TNRC6A: variants seen among roughly 807,000 people sequenced by gnomAD.
The protein encoded by TNRC6A is trinucleotide repeat containing adaptor 6A.
TNRC6A carries 44 observed loss-of-function variants against 221.2 expected under a neutral mutation model. That is an observed-to-expected ratio of 0.20 (90% CI 0.16 to 0.26). The LOEUF (loss-of-function observed/expected upper bound fraction) is 0.26. TNRC6A is among the 10% of genes least tolerant of loss of function. The probability of loss-of-function intolerance (pLI) is 1.00; values close to 1 mark genes in which losing one functional copy is unlikely to be tolerated. For missense variants in TNRC6A, 2,199 were observed against 2,404.4 expected (o/e 0.91, Z 1.79); for synonymous variants, 847 against 838.5 (o/e 1.01, Z -0.18).
intron 5 of TNRC6A, 90 bp downstream of exon 5, chr16:24,777,448 T>C: frequency 7.7e-7 from 1 of 1,306,970 alleles, no homozygotes; most frequent in Non-Finnish European, 1.1e-6. Flanking sequence ...GGTGATGTAT[T>C]TGTATTCATC....
At chr16:24,625,718 G>A (rs1900936183) in intron 1 of TNRC6A, among the ~76,000 whole-genome samples, 1 of 123,372 alleles carries the variant, frequency 8.1e-6, no homozygotes, top group East Asian at 2.2e-4. Context: ...GGGCGACAGA[G>A]CGAGACTCCG....
At chr16:24,656,347 A>G (rs1048677118) in intron 2 of TNRC6A, among the ~76,000 whole-genome samples, 6 of 151,026 alleles carry the variant, frequency 4.0e-5, no homozygotes, top group Admixed American at 3.3e-4. Context: ...CATGCCTGTA[A>G]TCCCAGCTAC....
intron 2 of TNRC6A, among the ~76,000 whole-genome samples, chr16:24,670,720 T>C (rs759964908): frequency 1.3e-4 from 20 of 152,262 alleles, no homozygotes; most frequent in Non-Finnish European, 2.1e-4. Context: ...GGTACAAGCT[T>C]GACCGAGCTT....
chr16:24,699,611 T>C lies in TNRC6A; in HGVS notation n.403-51115T>C, dbSNP rs183928124. ...GCGTGCACCTGTCATCTCAGATACT[T>C]GGGAGGCTGAGGTGGGAGAATCGCC... On this transcript the variant is annotated intron_variant and non_coding_transcript_variant, in intron 2 of 2. Coordinates refer to the TNRC6A transcript ENST00000566108. Among the ~76,000 whole-genome samples the C allele has an allele frequency of 1.7e-4, 26 of 151,354 alleles. No individual in the cohort carries two copies. In the East Asian group the frequency reaches 4.7e-3, roughly 27 times the overall value.
Position 24,794,425 on chromosome 16 carries a change from TA to T in TNRC6A, c.3353-117del, listed in dbSNP as rs559256524. 2.5e-4 allele frequency: 243 copies of T among 959,414 alleles called. 2 individuals carry two copies. In the African/African-American group the frequency reaches 3.7e-3, roughly 14 times the overall value. 59.4% of individuals were successfully genotyped at this position (959,414 alleles called of 1,614,324 possible). On this transcript the variant is annotated intron_variant, in intron 7 of 24. Coordinates refer to ENST00000395799, the MANE Select transcript of TNRC6A (RefSeq NM_014494.4). ...TTCTGTGCAGATGCAGGAAGGGAAA[TA>T]AGTGTGCACGTGTGTGTTTTCTTAG...
intron 2 of TNRC6A, among the ~76,000 whole-genome samples, chr16:24,698,529 C>G (rs1326515982): frequency 2.6e-5 from 4 of 151,992 alleles, no homozygotes; most frequent in Non-Finnish European, 4.4e-5. Context: ...AAGCACTGTG[C>G]AAATATTAGC....
intron 18 of TNRC6A, among the ~76,000 whole-genome samples, chr16:24,813,544 G>A (rs1048362651): frequency 5.3e-5 from 8 of 152,168 alleles, no homozygotes; most frequent in African/African-American, 1.9e-4. Flanking sequence ...GATGTTTTGA[G>A]GATGAATGAG....
At chr16:24,746,490 G>A (rs902883130) in intron 2 of TNRC6A, among the ~76,000 whole-genome samples, 2 of 152,094 alleles carry the variant, frequency 1.3e-5, no homozygotes, top group African/African-American at 2.4e-5. Flanking sequence ...TCTACTCCCC[G>A]CCCCACTTTA....
intron 2 of TNRC6A, among the ~76,000 whole-genome samples, chr16:24,733,930 CTT>C (rs1340548436): frequency 6.6e-6 from 1 of 152,212 alleles, no homozygotes; most frequent in Non-Finnish European, 1.5e-5. Context: ...AATCCCAGCA[CTT>C]TGGGAGGCCA....
intron 1 of TNRC6A, among the ~76,000 whole-genome samples, chr16:24,634,738 G>A (rs1901537578): frequency 1.3e-5 from 2 of 152,150 alleles, no homozygotes; most frequent in Non-Finnish European, 2.9e-5. Context: ...TACAACAAGG[G>A]ATCCAGAATG....
chr16:24,656,582 T>C (rs563468814), intron 2 of TNRC6A, among the ~76,000 whole-genome samples: 3 of 151,924 alleles, frequency 2.0e-5, no homozygotes, highest in Non-Finnish European at 4.4e-5. Flanking sequence ...TTAAAAAAAT[T>C]CCAAAGGCAG....
chr16:24,740,097 A>G (rs1368723449), intron 2 of TNRC6A, among the ~76,000 whole-genome samples: 1 of 152,182 alleles, frequency 6.6e-6, no homozygotes, highest in Non-Finnish European at 1.5e-5. Flanking sequence ...AAAATGAAGA[A>G]TTATTTCTGG....
intron 3 of TNRC6A, among the ~76,000 whole-genome samples, chr16:24,753,111 T>C (rs1014297585): frequency 2.0e-5 from 3 of 152,244 alleles, no homozygotes; most frequent in Non-Finnish European, 2.9e-5. Context: ...TGGTCACTTA[T>C]GTGTAGGCAG....
intron 2 of TNRC6A, among the ~76,000 whole-genome samples, chr16:24,673,710 G>A (rs1362387924): frequency 6.6e-6 from 1 of 152,106 alleles, no homozygotes; most frequent in Non-Finnish European, 1.5e-5. Context: ...ACAGGCCTAC[G>A]CCACTGTGCC....
At chr16:24,776,840 A>G (rs772243669) in intron 4 of TNRC6A, 93 bp from the exon 5 acceptor site, 13 of 1,518,706 alleles carry the variant, frequency 8.6e-6, no homozygotes, top group Non-Finnish European at 1.1e-5. Flanking sequence ...TTTTAGGATT[A>G]TTTTTCTTAG....
chr16:24,677,140 T>C (rs6497748), intron 2 of TNRC6A, among the ~76,000 whole-genome samples: 102,689 of 150,982 alleles, frequency 0.68, 36,886 homozygotes, highest in African/African-American at 0.91. Context: ...TAAATCTATT[T>C]CCTGTCCCGT....
In TNRC6A at chr16:24,789,254, A is replaced by G. The variant is rs771055449; in HGVS notation, c.612A>G (p.Gly204=). Residue 204 remains glycine, a synonymous_variant, in exon 6 of 25, where the codon GGA becomes GGG. Coordinates refer to ENST00000395799, the MANE Select transcript of TNRC6A (RefSeq NM_014494.4). ...NQSDINHSTS[G]SHYENSQRGP... The stretch of plus-strand genomic sequence containing the variant: ...TAGATATAAACCACAGTACTTCAGG[A>G]TCCCATTATGAAAATTCCCAGCGGG... 1.2e-6 allele frequency: 2 copies of G among 1,607,306 alleles called. No homozygotes were observed. Among genetic ancestry groups the G allele is most frequent in the Non-Finnish European group, 1.7e-6 (2 of 1,176,338 alleles).
chr16:24,771,582 T>A (rs199923166), intron 4 of TNRC6A, among the ~76,000 whole-genome samples: 14 of 95,482 alleles, frequency 1.5e-4, no homozygotes, highest in Admixed American at 3.7e-4. Context: ...TTATGTTATG[T>A]TGTTATGTTA....
At chr16:24,659,513 G>T (rs1397155176) in intron 2 of TNRC6A, among the ~76,000 whole-genome samples, 1 of 152,080 alleles carries the variant, frequency 6.6e-6, no homozygotes, top group East Asian at 1.9e-4. Flanking sequence ...TACAAACATG[G>T]CTCACGGCAG....
Sources: gnomAD v4.1 joint callset for allele counts (sites outside exome capture counted in the v4.1 genomes callset) on GRCh38, gnomAD v4.1.1 for gene constraint, MANE v1.5 for transcripts, NCBI Gene and HGNC (gene_info 2026-07-23, HGNC 2026-07-21) for gene names.